Variants in IMMP2L observed in about 807,000 individuals in gnomAD.
IMMP2L encodes mitochondrial inner membrane protease subunit 2.
In IMMP2L, 18 loss-of-function variants were observed where a neutral mutation model predicts 19.3. That is an observed-to-expected ratio of 0.93 (90% confidence interval 0.64 to 1.38). The LOEUF is 1.38. Ranked by LOEUF, IMMP2L falls within the 40% of genes most tolerant of loss-of-function variation. The pLI is 0.00. For synonymous variants in IMMP2L, 76 were observed against 73.0 expected (o/e 1.04, Z -0.21); for missense variants, 233 against 218.2 (o/e 1.07, Z -0.43).
At chr7:110,795,741 T>C (rs1299233145) in intron 5 of IMMP2L, among the ~76,000 whole-genome samples, 1 of 152,086 alleles carries the variant, frequency 6.6e-6, no homozygotes, top group East Asian at 1.9e-4. Flanking sequence ...ATTTTTGTCA[T>C]ACATCTGGGA....
intron 3 of IMMP2L, among the ~76,000 whole-genome samples, chr7:111,473,498 T>C (rs1379892544): frequency 1.3e-5 from 2 of 152,204 alleles, no homozygotes; most frequent in Non-Finnish European, 2.9e-5. Flanking sequence ...ATATAGCAGA[T>C]GCTAAGTGTC....
intron 3 of IMMP2L, among the ~76,000 whole-genome samples, chr7:111,060,468 A>C (rs1047457949): frequency 6.6e-6 from 1 of 152,198 alleles, no homozygotes; most frequent in Non-Finnish European, 1.5e-5. Flanking sequence ...CTTCGGCTTT[A>C]AATTCACTGT....
At chr7:111,260,349 A>G (rs1817184368) in intron 3 of IMMP2L, among the ~76,000 whole-genome samples, 1 of 152,164 alleles carries the variant, frequency 6.6e-6, no homozygotes, top group African/African-American at 2.4e-5. Context: ...TTACGGGACC[A>G]CCATCATACA....
intron 3 of IMMP2L, among the ~76,000 whole-genome samples, chr7:110,988,797 G>A (rs1200435937): frequency 6.6e-6 from 1 of 152,066 alleles, no homozygotes; most frequent in Admixed American, 6.6e-5. Flanking sequence ...CAAAAAACAT[G>A]ATGTTGTAGA....
chr7:111,111,921 TTA>T (rs140449960), intron 3 of IMMP2L, among the ~76,000 whole-genome samples: 2 of 144,082 alleles, frequency 1.4e-5, no homozygotes, highest in Non-Finnish European at 3.0e-5. Flanking sequence ...TATATTTTAT[TTA>T]TATATATATA....
At chr7:110,861,927 T>C (rs1286079939) in intron 5 of IMMP2L, among the ~76,000 whole-genome samples, 1 of 152,094 alleles carries the variant, frequency 6.6e-6, no homozygotes, top group Non-Finnish European at 1.5e-5. Context: ...GAAAACATAT[T>C]AATTCCAATC....
In IMMP2L at chr7:111,192,398, T is replaced by C. The variant is rs142207120; in HGVS notation, c.240-228833A>G. Among the ~76,000 whole-genome samples the C allele has an allele frequency of 1.4e-3, 218 of 152,274 alleles. 2 individuals carry two copies. The highest frequency in any genetic ancestry group is 5.0e-3 in the African/African-American group (206 of 41,530). ...TTAGTTTCAAAAAATTTTATTTTTA[T>C]TTCCTGCTATTCTAAAGCCCCAAAT... is the stretch of plus-strand genomic sequence containing the variant. On this transcript the variant is annotated intron_variant, in intron 3 of 5. Coordinates refer to ENST00000405709, the MANE Select transcript of IMMP2L (RefSeq NM_032549.4).
At chr7:110,864,470 A>G (rs10260174) in intron 5 of IMMP2L, among the ~76,000 whole-genome samples, 152,144 of 152,162 alleles carry the variant, frequency 1, 76,063 homozygotes, top group East Asian at 1. Context: ...ATAAAGCAAA[A>G]ATTTGACCAA....
intron 2 of IMMP2L, among the ~76,000 whole-genome samples, chr7:111,493,125 T>C (rs1300624935): frequency 6.6e-6 from 1 of 152,172 alleles, no homozygotes; most frequent in African/African-American, 2.4e-5. Flanking sequence ...TATACATCTC[T>C]TTCAATGAAA....
chr7:111,090,812 G>A (rs2129577776), intron 3 of IMMP2L, among the ~76,000 whole-genome samples: 1 of 152,200 alleles, frequency 6.6e-6, no homozygotes, highest in South Asian at 2.1e-4. Flanking sequence ...TATCAGTAGT[G>A]TGTCCTCTCT....
chr7:110,829,991 T>C (rs1469321624), intron 5 of IMMP2L, among the ~76,000 whole-genome samples: 1 of 152,138 alleles, frequency 6.6e-6, no homozygotes, highest in African/African-American at 2.4e-5. Context: ...CAGCGCTTTT[T>C]TTCCTGGGCA....
intron 3 of IMMP2L, among the ~76,000 whole-genome samples, chr7:111,205,689 A>G (rs1220822412): frequency 6.6e-6 from 1 of 152,216 alleles, no homozygotes; most frequent in African/African-American, 2.4e-5. Context: ...CACTTAAAAA[A>G]AAGATTAAAT....
At chr7:111,419,024 A>C (rs750639718) in intron 3 of IMMP2L, among the ~76,000 whole-genome samples, 12 of 151,944 alleles carry the variant, frequency 7.9e-5, no homozygotes, top group Non-Finnish European at 1.5e-4. Context: ...ATAAATTACA[A>C]ATCAAATTTC....
intron 3 of IMMP2L, among the ~76,000 whole-genome samples, chr7:111,055,848 A>T (rs553421847): frequency 2.0e-5 from 3 of 152,196 alleles, no homozygotes; most frequent in Non-Finnish European, 4.4e-5. Context: ...TAATCATGGG[A>T]TCCGATGTGC....
chr7:111,214,328 C>CTTTTTTTTTTT lies in IMMP2L; in HGVS notation c.240-250764_240-250763insAAAAAAAAAAA, dbSNP rs1484229556. On this transcript the variant is annotated intron_variant, in intron 3 of 5. Transcript: ENST00000405709. ...GTGAATGAATGACAAAGTAATTTTTCTTCTTTTTTTTTTTTTTTTTTTTTT... is the reference window on the plus strand; with the variant it reads ...GTGAATGAATGACAAAGTAATTTTTCTTTTTTTTTTTTTCTTTTTTTTTTTTTTTTTTTTTT... 1.3e-4 allele frequency among the ~76,000 whole-genome samples: 11 copies of CTTTTTTTTTTT among 85,122 alleles called. 3 individuals carry two copies. The highest frequency in any genetic ancestry group is 2.5e-4 in the Non-Finnish European group (11 of 44,314). The allele number at this position is 85,122 out of a possible 152,430, so 55.8% of individuals were successfully genotyped here.
At chr7:111,420,773 AT>A (rs1835432367) in intron 3 of IMMP2L, among the ~76,000 whole-genome samples, 1 of 151,916 alleles carries the variant, frequency 6.6e-6, no homozygotes, top group African/African-American at 2.4e-5. Context: ...TCCATGGTGT[AT>A]AAGTGCCACA....
At chr7:111,349,445 G>T (rs1827915419) in intron 3 of IMMP2L, among the ~76,000 whole-genome samples, 1 of 152,054 alleles carries the variant, frequency 6.6e-6, no homozygotes, top group East Asian at 1.9e-4. Context: ...TTAAATTTTT[G>T]AGCAAAGTTT....
At chr7:111,180,045 T>G (rs931772798) in intron 3 of IMMP2L, among the ~76,000 whole-genome samples, 2 of 152,004 alleles carry the variant, frequency 1.3e-5, no homozygotes, top group African/African-American at 4.8e-5. Flanking sequence ...GTTTGATCTA[T>G]CCAGAACTCC....
intron 3 of IMMP2L, among the ~76,000 whole-genome samples, chr7:111,256,929 C>A (rs538440638): frequency 6.6e-6 from 1 of 152,072 alleles, no homozygotes; most frequent in African/African-American, 2.4e-5. Flanking sequence ...CTCCAGAGAT[C>A]TTTCTAAAGA....
Sources: allele counts gnomAD v4.1 joint callset (sites outside exome capture counted in the v4.1 genomes callset), GRCh38; gene constraint gnomAD v4.1.1; transcripts MANE v1.5; gene names NCBI Gene and HGNC (gene_info 2026-07-23, HGNC 2026-07-21).